The following DNAH9 variants were observed in gnomAD, a reference collection of about 807,000 sequenced individuals.
DNAH9 encodes dynein axonemal heavy chain 9.
In DNAH9, 345 loss-of-function variants were observed where a neutral mutation model predicts 471.6. The ratio of observed to expected loss-of-function variants is 0.73; its 90% CI spans 0.67 to 0.80. The LOEUF is 0.80. Ranked by LOEUF, DNAH9 falls within the 30% of genes least tolerant of loss-of-function variation. DNAH9 has a pLI of 0.00. For missense variants in DNAH9, 5,407 were observed against 5,609.2 expected, an observed-to-expected ratio of 0.96 and a Z score of 1.15; for synonymous variants, 2,093 against 2,123.6, an observed-to-expected ratio of 0.99 and a Z score of 0.40.
chr17:11,874,983 T>G lies in DNAH9; in HGVS notation c.10277T>G (p.Leu3426Arg). The change falls in exon 53 of 69, where the codon CTG (leucine) becomes CGG (arginine). Residue 3426 changes from leucine (L) to arginine (R), a missense_variant. Around this residue, in one of 3 missense-constraint regions of DNAH9, gnomAD observed 4,636 missense variants for 4,900.3 expected, o/e 0.95. Coordinates refer to ENST00000262442, the MANE Select transcript of DNAH9 (RefSeq NM_001372.4). ...PIPVTPALDP[L>R]RMLMDDADVA... ...CCAGTCACCCCAGCCCTGGATCCCCTGAGGATGCTGATGGATGATGCTGAC... is the reference window on the plus strand; with the variant it reads ...CCAGTCACCCCAGCCCTGGATCCCCGGAGGATGCTGATGGATGATGCTGAC... 2 of 1,614,094 alleles carry G rather than the reference T, an allele frequency of 1.2e-6. No individual in the cohort carries two copies. Among genetic ancestry groups the G allele is most frequent in the African/African-American group, 1.3e-5 (1 of 75,036 alleles).
rs536215601 is a variant in DNAH9 at position 11,822,985 on chromosome 17, C to T, written c.9197C>T (p.Thr3066Ile). 1.2e-4 allele frequency: 190 copies of T among 1,614,178 alleles called. 1 individual carries two copies. In the South Asian group the frequency reaches 2.0e-3, roughly 17 times the overall value. ...HRHRKELKCK[T>I]ERLENGLLKL... is the part of the protein sequence containing the mutation. The stretch of plus-strand genomic sequence containing the variant: ...CACAGAAAAGAGCTCAAGTGCAAGA[C>T]AGAGCGGTTGGAGAACGGGCTGCTG... Residue 3066 changes from threonine (T) to isoleucine (I), a missense_variant, in exon 48 of 69, where the codon ACA (threonine) becomes ATA (isoleucine). This residue lies in a region of DNAH9 where 4,636 missense variants were observed against 4,900.3 expected (regional missense o/e 0.95). Coordinates refer to ENST00000262442, the MANE Select transcript of DNAH9 (RefSeq NM_001372.4).
intron 28 of DNAH9, among the ~76,000 whole-genome samples, chr17:11,728,220 A>G (rs921399064): frequency 2.6e-5 from 4 of 152,208 alleles, no homozygotes; most frequent in Non-Finnish European, 5.9e-5. Flanking sequence ...AGAAACATGA[A>G]GATGGCAGAG....
At chr17:11,717,260 C>T (rs2074979709) in intron 26 of DNAH9, among the ~76,000 whole-genome samples, 1 of 152,078 alleles carries the variant, frequency 6.6e-6, no homozygotes, top group Non-Finnish European at 1.5e-5. Flanking sequence ...GAGCTGAGCA[C>T]AATGGCTCAC....
intron 17 of DNAH9, among the ~76,000 whole-genome samples, chr17:11,671,718 TAG>T (rs1330207336): frequency 1.3e-5 from 2 of 152,208 alleles, no homozygotes; most frequent in Non-Finnish European, 2.9e-5. Context: ...GAAGTCCCTC[TAG>T]AGTTTCTAAG....
At chr17:11,725,930 G>A (rs4313842) in intron 27 of DNAH9, among the ~76,000 whole-genome samples, 11,820 of 152,228 alleles carry the variant, frequency 0.078, 514 homozygotes, top group East Asian at 0.14. Flanking sequence ...GTGGCAGTTA[G>A]ACCAATCCTC....
chr17:11,853,293 C>T (rs933871309), intron 49 of DNAH9: 11 of 152,218 alleles, frequency 7.2e-5, no homozygotes, highest in Non-Finnish European at 1.0e-4. Context: ...CAACTTCATA[C>T]GCATTTATGA....
chr17:11,629,618 C>T (rs776214866), intron 7 of DNAH9, 34 bp downstream of exon 7: 2 of 1,599,168 alleles, frequency 1.3e-6, no homozygotes, highest in Non-Finnish European at 1.7e-6. Context: ...GCCAGCTCTG[C>T]CTCTGTCCCG....
At chr17:11,729,451 T>C (rs1383390431) in intron 28 of DNAH9, among the ~76,000 whole-genome samples, 1 of 152,162 alleles carries the variant, frequency 6.6e-6, no homozygotes, top group Non-Finnish European at 1.5e-5. Flanking sequence ...CCGCACACCA[T>C]ATAATCAAAA....
intron 45 of DNAH9, among the ~76,000 whole-genome samples, chr17:11,816,445 C>T (rs1316332936): frequency 1.3e-5 from 2 of 152,150 alleles, no homozygotes; most frequent in Non-Finnish European, 2.9e-5. Flanking sequence ...AATGATGTGC[C>T]ATTAAATACT....
chr17:11,859,442 T>C (rs1971758753), intron 50 of DNAH9, among the ~76,000 whole-genome samples: 1 of 151,678 alleles, frequency 6.6e-6, no homozygotes. Context: ...ATGCAGTTAC[T>C]TTTGTGCCAA....
intron 36 of DNAH9, among the ~76,000 whole-genome samples, chr17:11,767,278 G>A (rs12603082): frequency 0.14 from 21,208 of 152,162 alleles, 1,550 homozygotes; most frequent in Non-Finnish European, 0.15. Flanking sequence ...GTCTTGAAGC[G>A]TATTATCTAG....
chr17:11,787,493 G>A (rs1968914650), intron 41 of DNAH9, among the ~76,000 whole-genome samples: 1 of 152,172 alleles, frequency 6.6e-6, no homozygotes, highest in Admixed American at 6.5e-5. Flanking sequence ...TGATTGAAGG[G>A]TATAGAGGGT....
intron 36 of DNAH9, among the ~76,000 whole-genome samples, chr17:11,765,161 A>G (rs1342874740): frequency 6.6e-6 from 1 of 152,198 alleles, no homozygotes; most frequent in African/African-American, 2.4e-5. Context: ...TAATGTTCTA[A>G]TCACTCAGCA....
At chr17:11,614,503 A>G (rs2072701635) in intron 4 of DNAH9, among the ~76,000 whole-genome samples, 1 of 152,212 alleles carries the variant, frequency 6.6e-6, no homozygotes, top group African/African-American at 2.4e-5. Flanking sequence ...AAGACTAATT[A>G]GAGAGTTTTC....
intron 15 of DNAH9, among the ~76,000 whole-genome samples, chr17:11,668,153 A>T (rs542786340): frequency 6.6e-6 from 1 of 152,232 alleles, no homozygotes; most frequent in Non-Finnish European, 1.5e-5. Flanking sequence ...TTAATTATTC[A>T]TACTGTTTTT....
intron 10 of DNAH9, 81 bp downstream of exon 10, chr17:11,640,465 C>A: frequency 2.1e-6 from 2 of 960,082 alleles, no homozygotes; most frequent in East Asian, 2.4e-5. Context: ...AGAAATGCAA[C>A]CTGCTTAACG....
chr17:11,922,293 C>T (rs1428314068), intron 61 of DNAH9, among the ~76,000 whole-genome samples: 1 of 152,154 alleles, frequency 6.6e-6, no homozygotes, highest in Non-Finnish European at 1.5e-5. Flanking sequence ...TCCTCTGAAA[C>T]TAAATTTTTT....
intron 61 of DNAH9, among the ~76,000 whole-genome samples, chr17:11,912,922 C>G (rs1414189022): frequency 2.0e-5 from 3 of 152,054 alleles, no homozygotes; most frequent in Admixed American, 2.0e-4. Flanking sequence ...AATCCTAGCA[C>G]TTTGGGAGGC....
rs557663295 is a variant in DNAH9, at chr17:11,949,578, T to A, written c.12843+7093T>A. ...CTCACCGCAACCTCTACTTCCCAGGTTCAAGCAATTCTCCTGCCTCAACCT... is the reference window on the plus strand; with the variant it reads ...CTCACCGCAACCTCTACTTCCCAGGATCAAGCAATTCTCCTGCCTCAACCT... On this transcript the variant is annotated intron_variant, in intron 67 of 68. Transcript: ENST00000262442. Among the ~76,000 whole-genome samples, 7 of 151,986 alleles carry A rather than the reference T, an allele frequency of 4.6e-5. No individual in the cohort carries two copies. The South Asian group carries it at 1.5e-3, about 32-fold the overall frequency.
Sources: gnomAD v4.1 joint callset for allele counts (sites outside exome capture counted in the v4.1 genomes callset) on GRCh38, gnomAD v4.1.1 for gene constraint, gnomAD v4.1.1 regional missense constraint, MANE v1.5 for transcripts, NCBI Gene and HGNC (gene_info 2026-07-23, HGNC 2026-07-21) for gene names.